CNNM4: variants seen among roughly 807,000 people sequenced by gnomAD.
CNNM4 encodes cyclin and CBS domain divalent metal cation transport mediator 4.
CNNM4 carries 32 observed loss-of-function variants against 53.7 expected under a neutral mutation model. That is an observed-to-expected ratio of 0.60 (90% CI 0.45 to 0.80). CNNM4 has a LOEUF of 0.80. Among genes scored for constraint, CNNM4 ranks in the 30% least tolerant of loss-of-function variants. The probability of loss-of-function intolerance (pLI) is 0.00; values close to 1 mark genes in which losing one functional copy is unlikely to be tolerated. For synonymous variants in CNNM4, 410 were observed against 440.0 expected, an observed-to-expected ratio of 0.93 and a Z score of 0.85; for missense variants, 784 against 1,022.0, an observed-to-expected ratio of 0.77 and a Z score of 3.17.
chr2:96,763,458 A>G (rs1366536846), intron 1 of CNNM4, among the ~76,000 whole-genome samples: 1 of 152,154 alleles, frequency 6.6e-6, no homozygotes, highest in Non-Finnish European at 1.5e-5. Context: ...TCTTTTTTAA[A>G]GGAATGGGGG....
At position 96,761,008 on chromosome 2, in the gene CNNM4, G is replaced by T. The variant is rs1381328427; in HGVS notation, c.9G>T (p.Pro3=). MA[P]VGGGGRPVGG... ...GGCAGAGCCAGAGCAACATGGCGCC[G>T]GTGGGCGGGGGCGGGCGCCCGGTCG... The change falls in exon 1 of 7, where the codon CCG becomes CCT. Residue 3 remains proline, a synonymous_variant. Coordinates refer to ENST00000377075, the MANE Select transcript of CNNM4 (RefSeq NM_020184.4). This position sits in a 1 kb window ranked among gnomAD's most constrained non-coding sequence, Gnocchi z 6.0. The T allele has an allele frequency of 7.7e-6, 9 of 1,163,774 alleles. No individual in the cohort carries two copies. The South Asian group carries it at 1.3e-4, about 16-fold the overall frequency. 72.1% of individuals were successfully genotyped at this position (1,163,774 alleles called of 1,614,324 possible).
rs2079162982 is a variant in CNNM4 at position 96,801,922 on chromosome 2, CAT to C, written c.1948+2276_1948+2277del. Reference sequence around the variant, plus strand: ...CACATACACACATAGATACACCACTCATAGACACACAAACACACACCCATAGG... The same window carrying C: ...CACATACACACATAGATACACCACTCAGACACACAAACACACACCCATAGG... On this transcript the variant is annotated intron_variant, in intron 5 of 6. Coordinates refer to ENST00000377075, the MANE Select transcript of CNNM4 (RefSeq NM_020184.4). The surrounding 1 kb of genome is among the most constrained non-coding windows in gnomAD (Gnocchi z 5.6). Among the ~76,000 whole-genome samples, 1 of 151,396 alleles carries C rather than the reference CAT, an allele frequency of 6.6e-6. No homozygotes were observed. The highest frequency in any genetic ancestry group is 1.5e-5 in the Non-Finnish European group (1 of 67,822).
intron 5 of CNNM4, among the ~76,000 whole-genome samples, chr2:96,805,426 T>TA (rs1234187405): frequency 8.6e-5 from 12 of 139,944 alleles, no homozygotes; most frequent in Non-Finnish European, 1.5e-5. Flanking sequence ...CAGTTTTTTT[T>TA]TTTTTTTTTT....
Position 96,770,894 on chromosome 2 carries a change from G to A in CNNM4, c.1402+8493G>A, listed in dbSNP as rs182866452. Among the ~76,000 whole-genome samples the A allele has an allele frequency of 6.0e-4, 91 of 152,302 alleles. 1 individual carries two copies. The highest frequency in any genetic ancestry group is 3.4e-3 in the Middle Eastern group (1 of 294). On this transcript the variant is annotated intron_variant, in intron 1 of 6. Transcript: ENST00000377075. ...GTCGCTGCCTTGGTGACTGATTTTC[G>A]CAGAGCCTCCTGGTTCCTTCTCCCC...
rs372148114 is a variant in CNNM4, at chr2:96,807,258, A to G, written c.1949-1303A>G. On this transcript the variant is annotated intron_variant, in intron 5 of 6. Coordinates refer to ENST00000377075, the MANE Select transcript of CNNM4 (RefSeq NM_020184.4). ...ACTCCGGCTCAAGCAATCTGCCCGC[A>G]TCGGCCTCCTAAGGTGCTTACAGGT... is the stretch of plus-strand genomic sequence containing the variant. Among the ~76,000 whole-genome samples the G allele has an allele frequency of 3.3e-5, 5 of 152,202 alleles. No homozygotes were observed. The South Asian group carries it at 1.0e-3, about 32-fold the overall frequency.
intron 1 of CNNM4, among the ~76,000 whole-genome samples, chr2:96,776,473 G>A (rs1406762642): frequency 2.0e-5 from 3 of 152,066 alleles, no homozygotes; most frequent in Admixed American, 2.0e-4. Flanking sequence ...TTTATGCTTG[G>A]AACATTTGAA....
chr2:96,797,203 C>A lies in CNNM4; in HGVS notation c.1546+48C>A. 1 of 1,612,238 alleles carries A rather than the reference C, an allele frequency of 6.2e-7. No homozygotes were observed. Among genetic ancestry groups the A allele is most frequent in the South Asian group, 1.1e-5 (1 of 90,932 alleles). On this transcript the variant is annotated intron_variant, in intron 2 of 6. Transcript: ENST00000377075. This position sits in a 1 kb window ranked among gnomAD's most constrained non-coding sequence, Gnocchi z 6.0. ...CCCAGGACCCCTTTCCTGCTTGGAT[C>A]GAAACTTGGTGTCCCTAGCTGGAAG...
At chr2:96,783,919 A>G (rs2078995130) in intron 1 of CNNM4, among the ~76,000 whole-genome samples, 1 of 152,192 alleles carries the variant, frequency 6.6e-6, no homozygotes, top group Admixed American at 6.6e-5. Context: ...AAAACAATAT[A>G]TGTGATCCAA....
chr2:96,764,482 C>T (rs1002284320), intron 1 of CNNM4, among the ~76,000 whole-genome samples: 1 of 151,882 alleles, frequency 6.6e-6, no homozygotes, highest in Non-Finnish European at 1.5e-5. Context: ...GATAGTCCCC[C>T]CTCTCTACCC....
At chr2:96,802,058 T>C (rs1467466086) in intron 5 of CNNM4, among the ~76,000 whole-genome samples, 1 of 140,630 alleles carries the variant, frequency 7.1e-6, no homozygotes, top group Non-Finnish European at 1.5e-5. Context: ...CACACACAGA[T>C]ACACATCCAT....
Position 96,775,882 on chromosome 2 carries a change from C to T in CNNM4, c.1402+13481C>T, listed in dbSNP as rs146851838. Among the ~76,000 whole-genome samples, 628 of 151,090 alleles carry T rather than the reference C, an allele frequency of 4.2e-3. 2 individuals carry two copies. The highest frequency in any genetic ancestry group is 6.1e-3 in the Admixed American group (92 of 15,156). The stretch of plus-strand genomic sequence containing the variant: ...CTGGGACCACAGGTGTGGGCCACCA[C>T]GCCTGGCTAATTTTTAAATTTGTAT... On this transcript the variant is annotated intron_variant, in intron 1 of 6. Coordinates refer to ENST00000377075, the MANE Select transcript of CNNM4 (RefSeq NM_020184.4).
chr2:96,803,601 C>T (rs906160917), intron 5 of CNNM4, among the ~76,000 whole-genome samples: 7 of 152,022 alleles, frequency 4.6e-5, no homozygotes, highest in Admixed American at 3.9e-4. Context: ...TGGCAGGTGC[C>T]TGTAATCCCA....
chr2:96,790,941 G>A (rs992031139), intron 1 of CNNM4, among the ~76,000 whole-genome samples: 2 of 151,054 alleles, frequency 1.3e-5, no homozygotes, highest in Admixed American at 1.3e-4. Context: ...CCAGTATGGT[G>A]AAACCCTGTC....
At chr2:96,782,212 G>T (rs751687944) in intron 1 of CNNM4, among the ~76,000 whole-genome samples, 3 of 152,062 alleles carry the variant, frequency 2.0e-5, no homozygotes, top group African/African-American at 7.2e-5. Context: ...AGGCTGAGAC[G>T]AATGGATTGC....
intron 1 of CNNM4, among the ~76,000 whole-genome samples, chr2:96,777,204 AG>A (rs2078932795): frequency 6.6e-6 from 1 of 150,826 alleles, no homozygotes; most frequent in Non-Finnish European, 1.5e-5. Flanking sequence ...TATTTTTAGT[AG>A]AAACAGGGTT....
chr2:96,806,535 A>ACACACACACACACACACACACGCGCG (rs374638753), intron 5 of CNNM4, among the ~76,000 whole-genome samples: 2 of 123,944 alleles, frequency 1.6e-5, no homozygotes, highest in African/African-American at 5.8e-5. Context: ...ACACACACAC[A>ACACACACACACACACACACACGCGCG]CGCGCGCGCG....
At position 96,761,181 on chromosome 2, in the gene CNNM4, A is replaced by C. The variant is rs1418278516; in HGVS notation, c.182A>C (p.Asn61Thr). 1 of 1,613,442 alleles carries C rather than the reference A, an allele frequency of 6.2e-7. No individual in the cohort carries two copies. The highest frequency in any genetic ancestry group is 1.7e-5 in the Admixed American group (1 of 59,996). ...AGCTGCAACAAGTCGTGTGGGACGA[A>C]CCCGGATGGCATCATCTTCGTGTCC... ...LASCNKSCGTNPDGIIFVSEG... is the reference protein window; with the variant it reads ...LASCNKSCGTTPDGIIFVSEG... Residue 61 changes from asparagine to threonine, a missense_variant, in exon 1 of 7, where the codon AAC (asparagine) becomes ACC (threonine). Asn to Thr is a moderately conservative substitution (Grantham distance 65). This residue lies in a region of CNNM4 where 473 missense variants were observed against 624.6 expected (regional missense o/e 0.76). Coordinates refer to ENST00000377075, the MANE Select transcript of CNNM4 (RefSeq NM_020184.4). The surrounding 1 kb of genome is among the most constrained non-coding windows in gnomAD (Gnocchi z 6.0).
Position 96,808,493 on chromosome 2 carries a change from G to T in CNNM4, c.1949-68G>T. 1 of 1,550,038 alleles carries T rather than the reference G, an allele frequency of 6.5e-7. No homozygotes were observed. On this transcript the variant is annotated intron_variant, in intron 5 of 6. Transcript: ENST00000377075. This position sits in a 1 kb window ranked among gnomAD's most constrained non-coding sequence, Gnocchi z 4.9. ...TGTCCCTGGGCTTCCATGGGATGAG[G>T]TGAGACATGAGGGTGAGAGTGGGCA...
chr2:96,798,435 G>T lies in CNNM4; in HGVS notation c.1682-622G>T, dbSNP rs188778593. 37 of 166,486 alleles carry T rather than the reference G, an allele frequency of 2.2e-4. No homozygotes were observed. In the East Asian group the frequency reaches 4.2e-3, roughly 19 times the overall value. 10.3% of individuals were successfully genotyped at this position (166,486 alleles called of 1,614,324 possible). ...CTCCAGCTCTCCCCTTTGCAGACGT[G>T]TGCTGGTTCCCGCAGGAATTCACTT... On this transcript the variant is annotated intron_variant, in intron 3 of 6. Coordinates refer to ENST00000377075, the MANE Select transcript of CNNM4 (RefSeq NM_020184.4).
Sources: allele counts gnomAD v4.1 joint callset (sites outside exome capture counted in the v4.1 genomes callset), GRCh38; gene constraint gnomAD v4.1.1; regional missense constraint gnomAD v4.1.1; non-coding constraint Gnocchi (gnomAD v3.1); transcripts MANE v1.5; gene names NCBI Gene and HGNC (gene_info 2026-07-23, HGNC 2026-07-21).